The following NCAM2 variants were observed in gnomAD, a reference collection of about 807,000 sequenced individuals.
NCAM2 encodes the protein N-CAM-2.
Under a neutral mutation model 98.1 loss-of-function variants are expected in NCAM2, and 30 were observed. The ratio of observed to expected loss-of-function variants is 0.31; its 90% CI spans 0.23 to 0.41. The LOEUF (loss-of-function observed/expected upper bound fraction) is 0.41. NCAM2 is among the 10% of genes least tolerant of loss of function. The pLI is 1.00. For synonymous variants in NCAM2, 368 were observed against 342.4 expected, an observed-to-expected ratio of 1.07 and a Z score of -0.83; for missense variants, 867 against 1,005.8, an observed-to-expected ratio of 0.86 and a Z score of 1.87.
chr21:21,086,966 CT>C, intron 1 of NCAM2, among the ~76,000 whole-genome samples: 1 of 150,640 alleles, frequency 6.6e-6, no homozygotes, highest in East Asian at 2.0e-4. Flanking sequence ...TAACTCTATC[CT>C]TTTGATAGGG....
intron 8 of NCAM2, among the ~76,000 whole-genome samples, chr21:21,360,253 C>A (rs1054651053): frequency 5.3e-5 from 8 of 152,006 alleles, no homozygotes; most frequent in Non-Finnish European, 1.2e-4. Flanking sequence ...TGACATAATA[C>A]ATTTAAAAAA....
At chr21:21,244,837 C>T (rs1236448806) in intron 1 of NCAM2, among the ~76,000 whole-genome samples, 2 of 87,158 alleles carry the variant, frequency 2.3e-5, no homozygotes, top group Admixed American at 3.4e-4. Flanking sequence ...CAGAGTGAGA[C>T]TCTGTCTAAA....
chr21:21,404,818 A>G (rs1040592610), intron 9 of NCAM2, among the ~76,000 whole-genome samples: 7 of 151,766 alleles, frequency 4.6e-5, no homozygotes. Context: ...TCACTCATAT[A>G]TACATATATA....
chr21:21,232,511 C>T (rs1021664186), intron 1 of NCAM2, among the ~76,000 whole-genome samples: 5 of 151,384 alleles, frequency 3.3e-5, no homozygotes, highest in Admixed American at 2.0e-4. Flanking sequence ...GCAGTCATGT[C>T]TTTGGCATCA....
At chr21:21,123,489 C>A (rs570861750) in intron 1 of NCAM2, among the ~76,000 whole-genome samples, 2 of 152,082 alleles carry the variant, frequency 1.3e-5, no homozygotes, top group African/African-American at 4.8e-5. Flanking sequence ...AATACCCATT[C>A]GATATTATCT....
Position 21,495,574 on chromosome 21 carries a change from T to C in NCAM2, c.2078-13277T>C, listed in dbSNP as rs552027170. The stretch of plus-strand genomic sequence containing the variant: ...TTTTGGTGCTGTTTGTCAATTTTGA[T>C]TTGGTTGATCTATTTATTTGTTACT... On this transcript the variant is annotated intron_variant, in intron 15 of 17. Coordinates refer to ENST00000400546, the MANE Select transcript of NCAM2 (RefSeq NM_004540.5). Among the ~76,000 whole-genome samples the C allele has an allele frequency of 1.4e-3, 212 of 152,216 alleles. 1 individual carries two copies. Among genetic ancestry groups the C allele is most frequent in the African/African-American group, 4.9e-3 (205 of 41,570 alleles).
intron 5 of NCAM2, among the ~76,000 whole-genome samples, chr21:21,312,044 T>C (rs1420030666): frequency 6.6e-6 from 1 of 152,186 alleles, no homozygotes; most frequent in African/African-American, 2.4e-5. Flanking sequence ...TGAGGTTTAA[T>C]AGGAGAGCTG....
chr21:21,265,373 C>T (rs2072201818), intron 1 of NCAM2, among the ~76,000 whole-genome samples: 1 of 17,394 alleles, frequency 5.7e-5, no homozygotes, highest in African/African-American at 2.1e-4. Flanking sequence ...TATATATACA[C>T]ATACACATAT....
At chr21:21,208,148 C>T (rs1288197700) in intron 1 of NCAM2, among the ~76,000 whole-genome samples, 1 of 152,004 alleles carries the variant, frequency 6.6e-6, no homozygotes, top group East Asian at 1.9e-4. Flanking sequence ...CAATCAGTTG[C>T]TAGAAAGAAT....
At chr21:21,471,930 T>TA (rs1247293025) in intron 14 of NCAM2, among the ~76,000 whole-genome samples, 1 of 152,028 alleles carries the variant, frequency 6.6e-6, no homozygotes, top group Non-Finnish European at 1.5e-5. Flanking sequence ...TCATGAAAAT[T>TA]AATGTCTCTA....
At chr21:21,240,379 A>G (rs1297778602) in intron 1 of NCAM2, among the ~76,000 whole-genome samples, 1 of 151,934 alleles carries the variant, frequency 6.6e-6, no homozygotes, top group Non-Finnish European at 1.5e-5. Context: ...TGCTAAAAAA[A>G]AAAAAAGCAA....
intron 15 of NCAM2, among the ~76,000 whole-genome samples, chr21:21,503,854 CTT>C (rs1034367726): frequency 1.3e-5 from 2 of 151,728 alleles, no homozygotes. Context: ...ATATTTTTAA[CTT>C]TTTATATTCT....
intron 3 of NCAM2, 80 bp downstream of exon 3, chr21:21,284,480 C>A: frequency 1.9e-6 from 2 of 1,040,374 alleles, no homozygotes; most frequent in Non-Finnish European, 2.9e-6. Flanking sequence ...TGTTTGATAA[C>A]ACTTATTAAG....
At chr21:21,514,707 A>G (rs1486694749) in intron 16 of NCAM2, among the ~76,000 whole-genome samples, 1 of 152,110 alleles carries the variant, frequency 6.6e-6, no homozygotes. Flanking sequence ...TATTTTTTAA[A>G]TTATGTTTAG....
intron 3 of NCAM2, among the ~76,000 whole-genome samples, chr21:21,285,671 C>CTCAT (rs1336037721): frequency 3.9e-5 from 6 of 152,068 alleles, no homozygotes; most frequent in South Asian, 2.1e-4. Flanking sequence ...TCCATGTTCA[C>CTCAT]TCATTCATTC....
chr21:21,191,459 T>A (rs544710677), intron 1 of NCAM2, among the ~76,000 whole-genome samples: 2 of 152,322 alleles, frequency 1.3e-5, no homozygotes, highest in African/African-American at 4.8e-5. Context: ...TTTCTTTTCT[T>A]AGCACAAACT....
At chr21:21,366,363 G>A (rs1762940663) in intron 8 of NCAM2, among the ~76,000 whole-genome samples, 1 of 151,914 alleles carries the variant, frequency 6.6e-6, no homozygotes, top group Non-Finnish European at 1.5e-5. Context: ...ATACTGCTTA[G>A]GCACTGGGTA....
At chr21:21,474,015 C>G (rs1438661464) in intron 14 of NCAM2, among the ~76,000 whole-genome samples, 1 of 151,442 alleles carries the variant, frequency 6.6e-6, no homozygotes, top group East Asian at 1.9e-4. Flanking sequence ...TAGCCATATT[C>G]AGCAAATCAT....
intron 9 of NCAM2, among the ~76,000 whole-genome samples, chr21:21,401,297 CA>C (rs34464494): frequency 1 from 152,322 of 152,324 alleles, 76,160 homozygotes; most frequent in Middle Eastern, 1. Context: ...CTTCACCTCA[CA>C]ATACTCAGCC....
Sources: gnomAD v4.1 joint callset for allele counts (sites outside exome capture counted in the v4.1 genomes callset) on GRCh38, gnomAD v4.1.1 for gene constraint, MANE v1.5 for transcripts, NCBI Gene and HGNC (gene_info 2026-07-23, HGNC 2026-07-21) for gene names.